Variants in GGACT observed in about 807,000 individuals in gnomAD.
GGACT encodes the protein gamma-glutamylamine cyclotransferase.
For synonymous variants in GGACT, 118 were observed against 115.3 expected, an observed-to-expected ratio of 1.02 and a Z score of -0.15; for missense variants, 241 against 233.2, an observed-to-expected ratio of 1.03 and a Z score of -0.22.
chr13:100,559,067 A>C (rs2088735092), intron 2 of GGACT, among the ~76,000 whole-genome samples: 1 of 152,182 alleles, frequency 6.6e-6, no homozygotes, highest in Non-Finnish European at 1.5e-5. Flanking sequence ...AAGTGTTCTA[A>C]ACCCACCACG....
chr13:100,530,201 A>G lies in GGACT; in HGVS notation c.*1929T>C. On this transcript the variant is annotated 3_prime_UTR_variant, in exon 3 of 3. Coordinates refer to ENST00000683975, the MANE Select transcript of GGACT (RefSeq NM_001195087.2). Reference sequence around the variant, plus strand: ...AACCTTTCAGTCATCACCCAATTTAATTAGCCATTTGCATGATGCTTTCAC... The same window carrying G: ...AACCTTTCAGTCATCACCCAATTTAGTTAGCCATTTGCATGATGCTTTCAC... The G allele has an allele frequency of 6.6e-7, 1 of 1,517,524 alleles. No homozygotes were observed. Among genetic ancestry groups the G allele is most frequent in the South Asian group, 1.1e-5 (1 of 88,852 alleles). The allele number at this position is 1,517,524 out of a possible 1,614,324, so 94.0% of individuals were successfully genotyped here.
intron 2 of GGACT, among the ~76,000 whole-genome samples, chr13:100,558,363 C>A (rs2088728201): frequency 6.6e-6 from 1 of 152,070 alleles, no homozygotes; most frequent in Non-Finnish European, 1.5e-5. Context: ...TAAACTGACA[C>A]TTTACCAAAG....
chr13:100,585,644 T>A (rs1875544269), intron 1 of GGACT, among the ~76,000 whole-genome samples: 1 of 151,878 alleles, frequency 6.6e-6, no homozygotes, highest in African/African-American at 2.4e-5. Flanking sequence ...GGCATGCGCC[T>A]GTAGTCCCAG....
chr13:100,551,695 A>G (rs1266943729), intron 2 of GGACT, among the ~76,000 whole-genome samples: 4 of 152,248 alleles, frequency 2.6e-5, no homozygotes. Context: ...GGGCTGAGGA[A>G]CGGGGCACAG....
rs1181942409 is a variant in GGACT, at chr13:100,572,406, TGGG to T, written c.-11+11416_-11+11418del. ...ACCAGGAGCTGGGGGACGGGGAAAA[TGGG>T]GAGTTGTTTAATGGATATAGAATTT... On this transcript the variant is annotated intron_variant, in intron 2 of 2. Transcript: ENST00000683975. Among the ~76,000 whole-genome samples, 70 of 151,824 alleles carry T rather than the reference TGGG, an allele frequency of 4.6e-4. 1 individual carries two copies. Among genetic ancestry groups the T allele is most frequent in the Non-Finnish European group, 1.3e-4 (9 of 67,898 alleles).
At chr13:100,556,909 T>C (rs2088713520) in intron 2 of GGACT, among the ~76,000 whole-genome samples, 1 of 152,230 alleles carries the variant, frequency 6.6e-6, no homozygotes, top group South Asian at 2.1e-4. Context: ...AGTCTTGCTC[T>C]GTTGCCCAGG....
At chr13:100,585,155 G>GC (rs1400132185) in intron 1 of GGACT, among the ~76,000 whole-genome samples, 1 of 152,154 alleles carries the variant, frequency 6.6e-6, no homozygotes, top group Non-Finnish European at 1.5e-5. Flanking sequence ...AGAGTGTGAG[G>GC]CACCCTACAG....
chr13:100,570,443 G>A (rs1875047632), intron 2 of GGACT, among the ~76,000 whole-genome samples: 2 of 152,120 alleles, frequency 1.3e-5, no homozygotes, highest in African/African-American at 4.8e-5. Context: ...AAAACCATCA[G>A]ATCTCATGAG....
chr13:100,535,030 A>G (rs1042208827), intron 2 of GGACT, among the ~76,000 whole-genome samples: 4 of 152,320 alleles, frequency 2.6e-5, no homozygotes, highest in Admixed American at 6.5e-5. Flanking sequence ...TTGCTGGAAC[A>G]TGAAGGGCCA....
rs190101405 is a variant in GGACT, at chr13:100,534,465, T to G, written c.-10-1864A>C. 2.6e-3 allele frequency among the ~76,000 whole-genome samples: 395 copies of G among 151,804 alleles called. 3 individuals are homozygous for G. Among genetic ancestry groups the G allele is most frequent in the Non-Finnish European group, 4.6e-3 (311 of 68,020 alleles). On this transcript the variant is annotated intron_variant, in intron 2 of 2. Coordinates refer to ENST00000683975, the MANE Select transcript of GGACT (RefSeq NM_001195087.2). The surrounding 1 kb of genome is among the most constrained non-coding windows in gnomAD (Gnocchi z 4.9). ...TGCTCAGGCCTAAAATTGCCAGGACTCGGCTGCTGGGGTGTACGTGAAAAT... is the reference window on the plus strand; with the variant it reads ...TGCTCAGGCCTAAAATTGCCAGGACGCGGCTGCTGGGGTGTACGTGAAAAT...
At chr13:100,535,549 G>C (rs1026353945) in intron 2 of GGACT, among the ~76,000 whole-genome samples, 1 of 152,196 alleles carries the variant, frequency 6.6e-6, no homozygotes, top group Non-Finnish European at 1.5e-5. Context: ...ACGTGGTCCT[G>C]TGTGATCTGC....
intron 2 of GGACT, among the ~76,000 whole-genome samples, chr13:100,576,808 T>C (rs532613393): frequency 1.3e-4 from 20 of 152,328 alleles, no homozygotes; most frequent in Non-Finnish European, 2.5e-4. Flanking sequence ...TTTTGTTTCC[T>C]GGCTTTTTGG....
chr13:100,549,221 C>T (rs1267450721), intron 2 of GGACT, among the ~76,000 whole-genome samples: 1 of 152,112 alleles, frequency 6.6e-6, no homozygotes, highest in Non-Finnish European at 1.5e-5. Context: ...GCCTGTAATC[C>T]TAGCTACACC....
chr13:100,550,390 T>A (rs2088650969), intron 2 of GGACT, among the ~76,000 whole-genome samples: 1 of 129,200 alleles, frequency 7.7e-6, no homozygotes, highest in Non-Finnish European at 1.6e-5. Flanking sequence ...ATGCGCTGAA[T>A]GAATTAAATC....
intron 2 of GGACT, among the ~76,000 whole-genome samples, chr13:100,554,663 A>G (rs1594189986): frequency 6.6e-6 from 1 of 152,342 alleles, no homozygotes; most frequent in African/African-American, 2.4e-5. Context: ...GGAAGTATCT[A>G]GCATTTGAAA....
chr13:100,557,766 A>C (rs967314436), intron 2 of GGACT, among the ~76,000 whole-genome samples: 2 of 152,204 alleles, frequency 1.3e-5, no homozygotes, highest in Non-Finnish European at 2.9e-5. Context: ...CGGGTGAGTA[A>C]ATGAAAAGGC....
rs34897728 is a variant in GGACT, at chr13:100,573,884, C to CAAAAA, written c.-11+9936_-11+9940dup. Among the ~76,000 whole-genome samples, 186 of 119,176 alleles carry CAAAAA rather than the reference C, an allele frequency of 1.6e-3. 2 individuals are homozygous for CAAAAA. The South Asian group carries it at 0.016, about 10-fold the overall frequency. 78.2% of individuals were successfully genotyped at this position (119,176 alleles called of 152,430 possible). ...TGTCAAGATGGCATTATCAAAAAGT[C>CAAAAA]AAAAAAAAAAAAAAAACATGCTGGC... On this transcript the variant is annotated intron_variant, in intron 2 of 2. Coordinates refer to ENST00000683975, the MANE Select transcript of GGACT (RefSeq NM_001195087.2).
intron 2 of GGACT, among the ~76,000 whole-genome samples, chr13:100,569,711 A>G (rs1320565086): frequency 2.5e-4 from 38 of 152,214 alleles, no homozygotes; most frequent in Admixed American, 2.4e-3. Flanking sequence ...TCCCCAGAAA[A>G]TAAGTTTTTC....
At chr13:100,535,534 A>G (rs1262329061) in intron 2 of GGACT, among the ~76,000 whole-genome samples, 1 of 152,196 alleles carries the variant, frequency 6.6e-6, no homozygotes, top group Non-Finnish European at 1.5e-5. Flanking sequence ...GGTGGGTACC[A>G]ACACACGTGG....
Sources: allele counts gnomAD v4.1 joint callset (sites outside exome capture counted in the v4.1 genomes callset), GRCh38; gene constraint gnomAD v4.1.1; non-coding constraint Gnocchi (gnomAD v3.1); transcripts MANE v1.5; gene names NCBI Gene and HGNC (gene_info 2026-07-23, HGNC 2026-07-21).